Variants in PAMR1 observed in about 807,000 individuals in gnomAD.
PAMR1 encodes the protein inactive serine protease PAMR1.
Under a neutral mutation model 81.8 loss-of-function variants are expected in PAMR1, and 88 were observed. The observed-to-expected ratio is 1.08, with a 90% CI of 0.91 to 1.28. The LOEUF (loss-of-function observed/expected upper bound fraction) is 1.28. Ranked by LOEUF, PAMR1 falls within the 50% of genes most tolerant of loss-of-function variation. PAMR1 has a pLI of 0.00. For synonymous variants in PAMR1, 336 were observed against 345.3 expected (o/e 0.97, Z 0.30); for missense variants, 935 against 919.7 (o/e 1.02, Z -0.21).
chr11:35,436,611 C>A (rs1039525415), intron 8 of PAMR1, among the ~76,000 whole-genome samples: 11 of 151,912 alleles, frequency 7.2e-5, no homozygotes, highest in Middle Eastern at 3.4e-3. Flanking sequence ...TTCTGTGTCT[C>A]TCTGTTTCTC....
At chr11:35,488,608 G>A (rs909392448) in intron 3 of PAMR1, among the ~76,000 whole-genome samples, 13 of 144,216 alleles carry the variant, frequency 9.0e-5, no homozygotes, top group African/African-American at 3.4e-4. Context: ...GCTTGATTAA[G>A]CTTATTTAAA....
chr11:35,467,938 C>G, intron 6 of PAMR1, 63 bp downstream of exon 6: 1 of 1,025,898 alleles, frequency 9.7e-7, no homozygotes, highest in Non-Finnish European at 1.5e-6. Context: ...CCTGCAAGCT[C>G]TTAAAATCCT....
chr11:35,502,405 C>T (rs1850864750), intron 1 of PAMR1, among the ~76,000 whole-genome samples: 1 of 152,134 alleles, frequency 6.6e-6, no homozygotes, highest in Non-Finnish European at 1.5e-5. Context: ...CTAATGCTCT[C>T]CCCCAACCCA....
At chr11:35,442,540 T>A (rs1157108978) in intron 6 of PAMR1, among the ~76,000 whole-genome samples, 1 of 152,206 alleles carries the variant, frequency 6.6e-6, no homozygotes, top group Non-Finnish European at 1.5e-5. Flanking sequence ...CTACTTGATT[T>A]GGGTACCAAT....
At chr11:35,460,482 C>G (rs1181289562) in intron 6 of PAMR1, among the ~76,000 whole-genome samples, 1 of 152,142 alleles carries the variant, frequency 6.6e-6, no homozygotes, top group Non-Finnish European at 1.5e-5. Context: ...CTACTCCCCC[C>G]ACCCCACAAC....
intron 1 of PAMR1, among the ~76,000 whole-genome samples, chr11:35,508,159 C>A (rs1385103515): frequency 2.0e-5 from 3 of 152,172 alleles, no homozygotes; most frequent in Non-Finnish European, 4.4e-5. Context: ...GGTTCCTGTG[C>A]ACTTTGAGGC....
chr11:35,481,064 A>G (rs891884877), intron 3 of PAMR1, among the ~76,000 whole-genome samples: 2 of 152,168 alleles, frequency 1.3e-5, no homozygotes, highest in African/African-American at 4.8e-5. Context: ...ATAATATTCC[A>G]TGGTATATTA....
At chr11:35,469,446 C>T (rs1227782185) in intron 5 of PAMR1, among the ~76,000 whole-genome samples, 1 of 152,200 alleles carries the variant, frequency 6.6e-6, no homozygotes, top group Non-Finnish European at 1.5e-5. Context: ...CCCACAGACA[C>T]ATCTCATGTG....
chr11:35,450,129 CAAAAAAAAAAAAAAAAAAA>C (rs60887441), intron 6 of PAMR1, among the ~76,000 whole-genome samples: 1 of 43,030 alleles, frequency 2.3e-5, no homozygotes, highest in African/African-American at 1.0e-4. Context: ...TGCCTCCAGG[CAAAAAAAAAAAAAAAAAAA>C]AAAAAAAAAA....
chr11:35,446,525 C>T lies in PAMR1; in HGVS notation c.821-4832G>A, dbSNP rs141901760. Among the ~76,000 whole-genome samples the T allele has an allele frequency of 7.3e-4, 111 of 152,146 alleles. No individual in the cohort carries two copies. In the East Asian group the frequency reaches 0.018, roughly 25 times the overall value. ...TGCTTTAGCTGCATCCCAGTGATTC[C>T]GGTATGTTGTCTGTTTGTTCTCATT... On this transcript the variant is annotated intron_variant, in intron 6 of 10. Transcript: ENST00000619888.
upstream of PAMR1, chr11:35,529,948 G>A (rs1195287592): frequency 6.6e-6 from 1 of 152,194 alleles, no homozygotes; most frequent in Non-Finnish European, 1.5e-5. Flanking sequence ...CCACCAGGGA[G>A]GCTGGTTGCA....
At chr11:35,456,204 A>C (rs1414794488) in intron 6 of PAMR1, among the ~76,000 whole-genome samples, 1 of 152,292 alleles carries the variant, frequency 6.6e-6, no homozygotes, top group East Asian at 1.9e-4. Flanking sequence ...TTGCTTCTAT[A>C]ATTACATCAG....
chr11:35,491,479 CG>C (rs1404632292), intron 3 of PAMR1, among the ~76,000 whole-genome samples: 1 of 152,122 alleles, frequency 6.6e-6, no homozygotes, highest in Non-Finnish European at 1.5e-5. Context: ...AGGGCACTGT[CG>C]GGGGGAATCT....
At chr11:35,432,929 C>T (rs753737837) in intron 10 of PAMR1, 37 bp from the exon 11 acceptor site, 2 of 1,522,138 alleles carry the variant, frequency 1.3e-6, no homozygotes, top group Admixed American at 1.9e-5. Context: ...TGGTGAGGAG[C>T]CAGCTCCACA....
At chr11:35,521,159 A>C (rs962873601) in intron 1 of PAMR1, among the ~76,000 whole-genome samples, 1 of 152,254 alleles carries the variant, frequency 6.6e-6, no homozygotes, top group African/African-American at 2.4e-5. Context: ...AAGGGCATTC[A>C]TGAAAGTAAA....
chr11:35,524,420 A>C (rs1397967224), intron 1 of PAMR1, among the ~76,000 whole-genome samples: 1 of 152,130 alleles, frequency 6.6e-6, no homozygotes, highest in Non-Finnish European at 1.5e-5. Flanking sequence ...GCCTATGGCT[A>C]AGTTTCCCTT....
intron 1 of PAMR1, among the ~76,000 whole-genome samples, chr11:35,504,309 C>T (rs11522594): frequency 0.26 from 39,081 of 152,078 alleles, 6,476 homozygotes; most frequent in Non-Finnish European, 0.35. Context: ...CATCTGGGCT[C>T]ATCAGTGATA....
intron 10 of PAMR1, 61 bp downstream of exon 10, chr11:35,434,451 T>C: frequency 6.5e-7 from 1 of 1,529,396 alleles, no homozygotes; most frequent in South Asian, 1.2e-5. Flanking sequence ...ATCACTGCTC[T>C]CCCGTGCTTG....
chr11:35,445,905 T>C (rs1035284506), intron 6 of PAMR1, among the ~76,000 whole-genome samples: 8 of 152,218 alleles, frequency 5.3e-5, no homozygotes, highest in Admixed American at 1.3e-4. Context: ...TCAGAAGAAA[T>C]GGTACCAGAT....
Sources: gnomAD v4.1 joint callset for allele counts (sites outside exome capture counted in the v4.1 genomes callset) on GRCh38, gnomAD v4.1.1 for gene constraint, MANE v1.5 for transcripts, NCBI Gene and HGNC (gene_info 2026-07-23, HGNC 2026-07-21) for gene names.